Variants in RAD51B observed in about 807,000 individuals in gnomAD.
The protein encoded by RAD51B is DNA repair protein RAD51 homolog 2.
A neutral mutation model predicts 42.2 loss-of-function variants in RAD51B; 38 were observed. The ratio of observed to expected loss-of-function variants is 0.90; its 90% CI spans 0.70 to 1.18. The LOEUF (loss-of-function observed/expected upper bound fraction) is 1.18. Among genes scored for constraint, RAD51B ranks in the 50% most tolerant of loss-of-function variants. The pLI, the probability that RAD51B is intolerant of heterozygous loss-of-function variation, is 0.00. For missense variants in RAD51B, 373 were observed against 400.7 expected (o/e 0.93, Z 0.59); for synonymous variants, 154 against 145.2 (o/e 1.06, Z -0.43).
rs149117827 is a variant in RAD51B at position 68,370,059 on chromosome 14, C to T, written c.854-41365C>T. On this transcript the variant is annotated intron_variant, in intron 8 of 10. Coordinates refer to ENST00000471583, the MANE Select transcript of RAD51B (RefSeq NM_133510.4). ...AGGATAATGACTGAACCTATTAACC[C>T]ATTTATGCCTAGTGTTCCATTAGTG... Among the ~76,000 whole-genome samples the T allele has an allele frequency of 2.0e-4, 30 of 152,236 alleles. 1 individual carries two copies. In the East Asian group the frequency reaches 5.6e-3, roughly 28 times the overall value.
chr14:68,057,489 G>A (rs1032200864), intron 7 of RAD51B, among the ~76,000 whole-genome samples: 2 of 152,062 alleles, frequency 1.3e-5, no homozygotes. Flanking sequence ...TTTAGATATA[G>A]GAGGTAGGAT....
At chr14:68,098,109 T>A (rs1264095488) in intron 7 of RAD51B, among the ~76,000 whole-genome samples, 2 of 152,252 alleles carry the variant, frequency 1.3e-5, no homozygotes, top group African/African-American at 4.8e-5. Flanking sequence ...TTATCATGAC[T>A]GACTTACTTA....
At chr14:68,633,829 G>A (rs1892287798) in intron 10 of RAD51B, among the ~76,000 whole-genome samples, 1 of 152,160 alleles carries the variant, frequency 6.6e-6, no homozygotes, top group African/African-American at 2.4e-5. Context: ...GCCTCTTTTT[G>A]GCCAGGGCTG....
chr14:67,933,236 G>T (rs1391246506), intron 7 of RAD51B, among the ~76,000 whole-genome samples: 1 of 152,134 alleles, frequency 6.6e-6, no homozygotes, highest in African/African-American at 2.4e-5. Context: ...TTTTCCATGG[G>T]CTAGAATACT....
At chr14:68,536,850 G>C (rs1008889490) in intron 10 of RAD51B, among the ~76,000 whole-genome samples, 1 of 151,800 alleles carries the variant, frequency 6.6e-6, no homozygotes, top group African/African-American at 2.4e-5. Context: ...GGGAGGCCGA[G>C]GCGGGCGGAT....
intron 9 of RAD51B, among the ~76,000 whole-genome samples, chr14:68,455,676 C>T (rs4902593): frequency 3.9e-4 from 59 of 152,066 alleles, no homozygotes; most frequent in African/African-American, 1.2e-3. Context: ...GCCGAGATTG[C>T]GCCACTGCAC....
intron 7 of RAD51B, among the ~76,000 whole-genome samples, chr14:68,235,767 G>C (rs1206317526): frequency 1.5e-4 from 22 of 142,800 alleles, no homozygotes; most frequent in Non-Finnish European, 1.4e-4. Context: ...TGTGTTCATT[G>C]TAGCACTATT....
chr14:68,408,804 A>G (rs1479576006), intron 8 of RAD51B, among the ~76,000 whole-genome samples: 1 of 152,218 alleles, frequency 6.6e-6, no homozygotes, highest in Non-Finnish European at 1.5e-5. Flanking sequence ...TAAATAAATA[A>G]GATGTGACTA....
chr14:68,125,687 A>T (rs2077742308), intron 7 of RAD51B, among the ~76,000 whole-genome samples: 1 of 152,234 alleles, frequency 6.6e-6, no homozygotes, highest in African/African-American at 2.4e-5. Context: ...TGGGAAAAGA[A>T]AAAAAGTGTC....
intron 10 of RAD51B, among the ~76,000 whole-genome samples, chr14:68,581,129 T>C (rs1890190770): frequency 6.6e-6 from 1 of 152,098 alleles, no homozygotes; most frequent in African/African-American, 2.4e-5. Context: ...GCCTTTAAGA[T>C]GGGATAGGGG....
At chr14:67,989,801 G>A (rs1455371600) in intron 7 of RAD51B, among the ~76,000 whole-genome samples, 1 of 152,046 alleles carries the variant, frequency 6.6e-6, no homozygotes, top group Non-Finnish European at 1.5e-5. Context: ...GAGGGTGTGA[G>A]TCTTTCTTTG....
Position 68,192,596 on chromosome 14 carries a change from T to G in RAD51B, c.757-99288T>G, listed in dbSNP as rs182933325. ...ATGTTGGCTCTCTGAAAACAGACTT[T>G]CCTATCCAGAATTCAGGTTTTCTAT... On this transcript the variant is annotated intron_variant, in intron 7 of 10. Coordinates refer to ENST00000471583, the MANE Select transcript of RAD51B (RefSeq NM_133510.4). Among the ~76,000 whole-genome samples, 12 of 152,312 alleles carry G rather than the reference T, an allele frequency of 7.9e-5. No homozygotes were observed. In the East Asian group the frequency reaches 2.3e-3, roughly 29 times the overall value.
At chr14:67,853,447 G>A (rs1017274691) in intron 4 of RAD51B, among the ~76,000 whole-genome samples, 9 of 151,840 alleles carry the variant, frequency 5.9e-5, no homozygotes, top group African/African-American at 2.2e-4. Flanking sequence ...CAGATTCAGT[G>A]ACATTCACAT....
chr14:67,825,381 C>A, intron 2 of RAD51B, 83 bp from the exon 3 acceptor site: 1 of 833,738 alleles, frequency 1.2e-6, no homozygotes. Flanking sequence ...TCTACATAAG[C>A]AGTATCAATT....
chr14:68,085,241 C>G (rs1157340313), intron 7 of RAD51B, among the ~76,000 whole-genome samples: 1 of 152,132 alleles, frequency 6.6e-6, no homozygotes, highest in Non-Finnish European at 1.5e-5. Context: ...ACCTCCTGTT[C>G]TTTAGACAGT....
At chr14:68,195,200 T>C (rs1247238562) in intron 7 of RAD51B, among the ~76,000 whole-genome samples, 2 of 152,240 alleles carry the variant, frequency 1.3e-5, no homozygotes, top group Admixed American at 1.3e-4. Context: ...AGATTTACTA[T>C]GCCATCTTTA....
At chr14:67,948,453 A>C (rs1055419677) in intron 7 of RAD51B, among the ~76,000 whole-genome samples, 3 of 152,150 alleles carry the variant, frequency 2.0e-5, no homozygotes. Context: ...TGGTTTTGGT[A>C]GCAAATTTGC....
At chr14:68,557,512 T>C (rs1322843064) in intron 10 of RAD51B, among the ~76,000 whole-genome samples, 5 of 152,248 alleles carry the variant, frequency 3.3e-5, no homozygotes, top group Non-Finnish European at 5.9e-5. Context: ...TTGTTAAGAA[T>C]TAGGACTCAA....
chr14:68,280,845 G>A (rs2081307399), intron 7 of RAD51B, among the ~76,000 whole-genome samples: 1 of 152,064 alleles, frequency 6.6e-6, no homozygotes, highest in Non-Finnish European at 1.5e-5. Context: ...CTTGACCCTT[G>A]GAGTTTGAGA....
Sources: allele counts gnomAD v4.1 joint callset (sites outside exome capture counted in the v4.1 genomes callset), GRCh38; gene constraint gnomAD v4.1.1; transcripts MANE v1.5; gene names NCBI Gene and HGNC (gene_info 2026-07-23, HGNC 2026-07-21).